Variants in DPT observed in about 807,000 individuals in gnomAD.
DPT encodes dermatopontin.
DPT carries 21 observed loss-of-function variants against 31.2 expected under a neutral mutation model. The observed-to-expected ratio is 0.67, with a 90% CI of 0.48 to 0.97. The LOEUF (loss-of-function observed/expected upper bound fraction) is 0.97. DPT is among the 50% of genes least tolerant of loss of function. DPT has a pLI of 0.00. For missense variants in DPT, 262 were observed against 258.8 expected, an observed-to-expected ratio of 1.01 and a Z score of -0.08; for synonymous variants, 91 against 86.9, an observed-to-expected ratio of 1.05 and a Z score of -0.26.
chr1:168,699,137 G>A lies in DPT; in HGVS notation c.539+1880C>T, dbSNP rs117419676. Among the ~76,000 whole-genome samples, 121 of 152,136 alleles carry A rather than the reference G, an allele frequency of 8.0e-4. 2 individuals carry two copies. In the East Asian group the frequency reaches 0.016, roughly 21 times the overall value. ...ATTTATTTCATACTAATCTTGGATG[G>A]CACTCTTCCTTTACTGTATTAATTC... On this transcript the variant is annotated intron_variant, in intron 3 of 3. Transcript: ENST00000367817.
chr1:168,701,538 A>G (rs953627685), intron 2 of DPT, among the ~76,000 whole-genome samples: 3 of 152,238 alleles, frequency 2.0e-5, no homozygotes, highest in Non-Finnish European at 4.4e-5. Flanking sequence ...ATAGAAAAGA[A>G]AATATAAAAG....
intron 1 of DPT, among the ~76,000 whole-genome samples, chr1:168,725,958 C>G (rs1211146750): frequency 6.6e-6 from 1 of 152,186 alleles, no homozygotes; most frequent in East Asian, 1.9e-4. Flanking sequence ...AGCTCCCCAG[C>G]CCATAAGCAA....
At chr1:168,700,721 A>G (rs568797109) in intron 3 of DPT, among the ~76,000 whole-genome samples, 7 of 152,330 alleles carry the variant, frequency 4.6e-5, no homozygotes, top group African/African-American at 1.7e-4. Context: ...CAAGGTGAGC[A>G]GCTCCATGAG....
intron 1 of DPT, among the ~76,000 whole-genome samples, chr1:168,726,693 C>T (rs894704703): frequency 2.0e-5 from 3 of 152,256 alleles, no homozygotes; most frequent in African/African-American, 4.8e-5. Flanking sequence ...AAAGGAGTCG[C>T]ACCCATGCGA....
chr1:168,726,412 A>G (rs973250258), intron 1 of DPT, among the ~76,000 whole-genome samples: 1 of 152,266 alleles, frequency 6.6e-6, no homozygotes, highest in African/African-American at 2.4e-5. Context: ...ATGAACACAA[A>G]GATCAACAGA....
At chr1:168,708,606 A>T (rs530245041) in intron 2 of DPT, among the ~76,000 whole-genome samples, 1 of 152,188 alleles carries the variant, frequency 6.6e-6, no homozygotes, top group Non-Finnish European at 1.5e-5. Context: ...TCTAGGGTAC[A>T]TGTGCACAAT....
intron 1 of DPT, among the ~76,000 whole-genome samples, chr1:168,719,280 G>A (rs929072822): frequency 3.3e-5 from 5 of 152,030 alleles, no homozygotes; most frequent in African/African-American, 1.2e-4. Flanking sequence ...AATAAATATA[G>A]CTTTGGGCAT....
intron 2 of DPT, among the ~76,000 whole-genome samples, chr1:168,708,150 T>C (rs1338444215): frequency 6.6e-6 from 1 of 152,242 alleles, no homozygotes; most frequent in Admixed American, 6.5e-5. Flanking sequence ...TTATACTATA[T>C]GGTTTTGTAT....
At chr1:168,703,654 T>C (rs1346187928) in intron 2 of DPT, among the ~76,000 whole-genome samples, 2 of 152,254 alleles carry the variant, frequency 1.3e-5, no homozygotes, top group African/African-American at 4.8e-5. Flanking sequence ...GTCTTGTTTT[T>C]GTTATAACAC....
intron 3 of DPT, among the ~76,000 whole-genome samples, chr1:168,699,432 C>A (rs2101898221): frequency 6.6e-6 from 1 of 152,150 alleles, no homozygotes; most frequent in East Asian, 1.9e-4. Flanking sequence ...TAATTTGCTG[C>A]TTCTAGAAAA....
At chr1:168,728,840 C>T (rs201606567) in intron 1 of DPT, 30 bp downstream of exon 1, 4 of 1,607,740 alleles carry the variant, frequency 2.5e-6, no homozygotes, top group Non-Finnish European at 2.6e-6. Flanking sequence ...ATGTTCCCAG[C>T]CCCAGTGCAG....
intron 3 of DPT, among the ~76,000 whole-genome samples, chr1:168,698,855 G>A (rs1178142431): frequency 1.3e-5 from 2 of 152,064 alleles, no homozygotes; most frequent in Non-Finnish European, 2.9e-5. Context: ...TCTCCAAGCT[G>A]GGGACCTCAG....
chr1:168,723,277 G>C (rs681316), intron 1 of DPT, among the ~76,000 whole-genome samples: 57,991 of 152,134 alleles, frequency 0.38, 12,149 homozygotes, highest in East Asian at 0.64. Flanking sequence ...CAGGTCCTCC[G>C]TCTGCCATCT....
chr1:168,720,407 T>A (rs967363794), intron 1 of DPT, among the ~76,000 whole-genome samples: 1 of 152,108 alleles, frequency 6.6e-6, no homozygotes, highest in Non-Finnish European at 1.5e-5. Flanking sequence ...TTGCAAGGTG[T>A]GTGAGTGTCT....
At chr1:168,722,414 T>C (rs1340214972) in intron 1 of DPT, among the ~76,000 whole-genome samples, 1 of 152,238 alleles carries the variant, frequency 6.6e-6, no homozygotes, top group Non-Finnish European at 1.5e-5. Context: ...GTGTGATACT[T>C]GTCTCCATGA....
At chr1:168,712,289 G>A (rs1360705744) in intron 2 of DPT, among the ~76,000 whole-genome samples, 1 of 152,024 alleles carries the variant, frequency 6.6e-6, no homozygotes, top group African/African-American at 2.4e-5. Context: ...GGCTGTCCAT[G>A]TTCCCCTTCC....
chr1:168,703,795 G>C (rs754244057), intron 2 of DPT, among the ~76,000 whole-genome samples: 3 of 152,122 alleles, frequency 2.0e-5, no homozygotes, highest in Non-Finnish European at 4.4e-5. Context: ...CCAAATCACT[G>C]GTAGAAAGTG....
chr1:168,695,904 AC>A lies in DPT; in HGVS notation c.*644del, dbSNP rs1649456562. 5.9e-6 allele frequency: 2 copies of A among 336,272 alleles called. No individual in the cohort carries two copies. The highest frequency in any genetic ancestry group is 5.4e-6 in the Non-Finnish European group (1 of 186,120). The allele number at this position is 336,272 out of a possible 1,614,324, so 20.8% of individuals were successfully genotyped here. A position where few individuals can be genotyped will look rare whatever the true frequency, so the allele number is the denominator to read the frequency against. ...CTCATTTTCCTTACTGGGTATGCTA[AC>A]GTTTGTCTTCTAATTCAGGAAATCC... On this transcript the variant is annotated 3_prime_UTR_variant, in exon 4 of 4. Coordinates refer to ENST00000367817, the MANE Select transcript of DPT (RefSeq NM_001937.5).
At chr1:168,703,481 C>A (rs1181213259) in intron 2 of DPT, among the ~76,000 whole-genome samples, 1 of 152,188 alleles carries the variant, frequency 6.6e-6, no homozygotes, top group African/African-American at 2.4e-5. Flanking sequence ...CATAAGCCCC[C>A]TGTCTAACTG....
Sources: gnomAD v4.1 joint callset for allele counts (sites outside exome capture counted in the v4.1 genomes callset) on GRCh38, gnomAD v4.1.1 for gene constraint, MANE v1.5 for transcripts, NCBI Gene and HGNC (gene_info 2026-07-23, HGNC 2026-07-21) for gene names.